The following CIMIP6 variants were observed in gnomAD, a reference collection of about 807,000 sequenced individuals.
The protein encoded by CIMIP6 is uncharacterized protein C2orf73.
chr2:54,364,806 G>T, the CIMIP6 span, among the ~76,000 whole-genome samples: 2 of 152,280 alleles, frequency 1.3e-5, no homozygotes, highest in South Asian at 2.1e-4. Context: ...AACGGACTAC[G>T]TTGATGTTGG....
At chr2:54,368,855 G>C in the CIMIP6 span, among the ~76,000 whole-genome samples, 1 of 152,192 alleles carries the variant, frequency 6.6e-6, no homozygotes, top group Admixed American at 6.5e-5. Context: ...GAGTACAACT[G>C]GAAGCTCATG....
At chr2:54,358,047 A>G in the CIMIP6 span, among the ~76,000 whole-genome samples, 1 of 152,228 alleles carries the variant, frequency 6.6e-6, no homozygotes, top group Non-Finnish European at 1.5e-5. Flanking sequence ...GATGTTAAAC[A>G]TACATGGAGC....
chr2:54,380,911 G>C, the CIMIP6 span, among the ~76,000 whole-genome samples: 1 of 152,148 alleles, frequency 6.6e-6, no homozygotes, highest in African/African-American at 2.4e-5. Flanking sequence ...ATCTTTTTTA[G>C]TCTTCTTGTT....
At chr2:54,360,213 C>G in the CIMIP6 span, 2 of 1,576,208 alleles carry the variant, frequency 1.3e-6, no homozygotes, top group Non-Finnish European at 1.7e-6. Context: ...AGACACGGAG[C>G]TTTTGTACAG....
the CIMIP6 span, chr2:54,381,900 C>G: frequency 6.4e-7 from 1 of 1,550,588 alleles, no homozygotes; most frequent in Non-Finnish European, 8.7e-7. Context: ...TGCCACAGTG[C>G]AGGAAGAAAA....
the CIMIP6 span, among the ~76,000 whole-genome samples, chr2:54,347,821 C>T: frequency 1.3e-5 from 2 of 152,146 alleles, no homozygotes; most frequent in Non-Finnish European, 2.9e-5. Flanking sequence ...CCTCCCGATT[C>T]CCAGGCACTC....
At chr2:54,335,211 CA>C in the CIMIP6 span, among the ~76,000 whole-genome samples, 1 of 152,108 alleles carries the variant, frequency 6.6e-6, no homozygotes, top group African/African-American at 2.4e-5. Context: ...AATACGGATA[CA>C]GGGAGGGAAT....
chr2:54,334,510 G>A, the CIMIP6 span, among the ~76,000 whole-genome samples: 1 of 152,160 alleles, frequency 6.6e-6, no homozygotes, highest in Non-Finnish European at 1.5e-5. Context: ...CGTGAGTACT[G>A]CAAACATGAT....
chr2:54,336,988 G>C, the CIMIP6 span, among the ~76,000 whole-genome samples: 35 of 152,346 alleles, frequency 2.3e-4, no homozygotes, highest in South Asian at 7.2e-3. Context: ...ACAGTGCTGA[G>C]CCAGGCAAGT....
At chr2:54,353,451 G>A in the CIMIP6 span, among the ~76,000 whole-genome samples, 8 of 151,966 alleles carry the variant, frequency 5.3e-5, no homozygotes, top group East Asian at 3.9e-4. Context: ...AACCCCTTCC[G>A]CTTCTTCCAG....
the CIMIP6 span, chr2:54,334,782 A>C: frequency 1.5e-6 from 2 of 1,356,376 alleles, no homozygotes; most frequent in South Asian, 2.7e-5. Context: ...TTTAATGGTT[A>C]CTGGGGTAAA....
chr2:54,344,697 C>T, the CIMIP6 span, among the ~76,000 whole-genome samples: 5 of 127,270 alleles, frequency 3.9e-5, no homozygotes, highest in African/African-American at 1.2e-4. Context: ...CCAGTTATTT[C>T]GGTAAATCAA....
At chr2:54,374,879 G>A in the CIMIP6 span, among the ~76,000 whole-genome samples, 1 of 152,206 alleles carries the variant, frequency 6.6e-6, no homozygotes, top group Non-Finnish European at 1.5e-5. Context: ...AAGGCTCCGT[G>A]CAGCCTTCCC....
the CIMIP6 span, among the ~76,000 whole-genome samples, chr2:54,334,631 C>T: frequency 1.3e-5 from 2 of 152,148 alleles, no homozygotes; most frequent in African/African-American, 4.8e-5. Context: ...AGCCCTTTAT[C>T]GCTTATATGA....
At chr2:54,383,489 G>A in the CIMIP6 span, 1 of 152,190 alleles carries the variant, frequency 6.6e-6, no homozygotes, top group Non-Finnish European at 1.5e-5. Context: ...AAGGACAGAA[G>A]GAGCCAGGAC....
the CIMIP6 span, among the ~76,000 whole-genome samples, chr2:54,351,623 G>A: frequency 2.4e-4 from 37 of 152,250 alleles, no homozygotes; most frequent in Admixed American, 1.2e-3. Context: ...GTTGGATGGT[G>A]GAGGGTGGGA....
chr2:54,346,633 T>C, the CIMIP6 span, among the ~76,000 whole-genome samples: 1 of 152,128 alleles, frequency 6.6e-6, no homozygotes, highest in Non-Finnish European at 1.5e-5. Context: ...ATTATAAAAC[T>C]CTCTCCTTTC....
chr2:54,338,566 G>A, the CIMIP6 span, among the ~76,000 whole-genome samples: 7 of 75,322 alleles, frequency 9.3e-5, 3 homozygotes, highest in Admixed American at 8.8e-4. Context: ...TAAGATGACA[G>A]GTTTCTTTTT....
chr2:54,336,118 C>G, the CIMIP6 span, among the ~76,000 whole-genome samples: 1 of 152,158 alleles, frequency 6.6e-6, no homozygotes. Flanking sequence ...CATTATTCTA[C>G]CTACCCTTAC....
Sources: gnomAD v4.1 joint callset for allele counts (sites outside exome capture counted in the v4.1 genomes callset) on GRCh38, gnomAD v4.1.1 for gene constraint, MANE v1.5 for transcripts, NCBI Gene and HGNC (gene_info 2026-07-23, HGNC 2026-07-21) for gene names.